INTS9: variants seen among roughly 807,000 people sequenced by gnomAD.
INTS9 encodes the protein integrator complex subunit 9, also known as protein related to CPSF subunits of 74 kDa.
Under a neutral mutation model 79.7 loss-of-function variants are expected in INTS9, and 55 were observed. The observed-to-expected ratio is 0.69, with a 90% CI of 0.56 to 0.86. The LOEUF is 0.86. Ranked by LOEUF, INTS9 falls within the 40% of genes least tolerant of loss-of-function variation. The pLI is 0.00. For synonymous variants in INTS9, 319 were observed against 325.2 expected, an observed-to-expected ratio of 0.98 and a Z score of 0.20; for missense variants, 721 against 831.5, an observed-to-expected ratio of 0.87 and a Z score of 1.64.
intron 1 of INTS9, among the ~76,000 whole-genome samples, chr8:28,875,550 A>T (rs1809335976): frequency 6.6e-6 from 1 of 152,104 alleles, no homozygotes; most frequent in African/African-American, 2.4e-5. Context: ...TTTGTTACAT[A>T]GGTAAATGTG....
At chr8:28,853,284 G>T (rs1807949804) in intron 2 of INTS9, among the ~76,000 whole-genome samples, 1 of 152,056 alleles carries the variant, frequency 6.6e-6, no homozygotes, top group South Asian at 2.1e-4. Context: ...ATGGTGGTGT[G>T]TGCCTATAAT....
intron 6 of INTS9, among the ~76,000 whole-genome samples, chr8:28,822,820 T>G (rs1231537481): frequency 6.6e-6 from 1 of 152,138 alleles, no homozygotes; most frequent in Admixed American, 6.5e-5. Context: ...TGAGGGTTAT[T>G]TCTACCAAAT....
intron 1 of INTS9, among the ~76,000 whole-genome samples, chr8:28,870,317 C>T (rs981049546): frequency 5.3e-4 from 48 of 90,868 alleles, no homozygotes; most frequent in African/African-American, 1.8e-3. Context: ...TAAACATTAA[C>T]CATTTTTTTT....
chr8:28,771,302 G>A (rs2130844120), intron 14 of INTS9: 1 of 555,266 alleles, frequency 1.8e-6, no homozygotes, highest in East Asian at 3.4e-5. Context: ...CCCCTCTCCA[G>A]GTGACCAGTG....
At chr8:28,788,691 T>C (rs241185) in intron 10 of INTS9, among the ~76,000 whole-genome samples, 60,894 of 152,120 alleles carry the variant, frequency 0.4, 13,471 homozygotes, top group Non-Finnish European at 0.5. Flanking sequence ...AGTGCTGAGA[T>C]TACAGGCGTG....
At chr8:28,836,497 T>C (rs1439588022) in intron 5 of INTS9, among the ~76,000 whole-genome samples, 1 of 152,248 alleles carries the variant, frequency 6.6e-6, no homozygotes, top group African/African-American at 2.4e-5. Context: ...ATTAATGTAT[T>C]AGCATTTGAA....
At chr8:28,779,113 TGTCAAATGTCGA>T (rs1159873379) in intron 12 of INTS9, among the ~76,000 whole-genome samples, 1 of 152,182 alleles carries the variant, frequency 6.6e-6, no homozygotes, top group African/African-American at 2.4e-5. Flanking sequence ...ACCACTGTCA[TGTCAAATGTCGA>T]GTCACCACTC....
At chr8:28,835,483 A>T in intron 5 of INTS9, 105 bp from the exon 6 acceptor site, 1 of 677,704 alleles carries the variant, frequency 1.5e-6, no homozygotes, top group Non-Finnish European at 2.6e-6. Context: ...CTCCCCCTAC[A>T]CCATTTCATC....
At chr8:28,884,741 A>G (rs904431688) in intron 1 of INTS9, among the ~76,000 whole-genome samples, 3 of 152,188 alleles carry the variant, frequency 2.0e-5, no homozygotes, top group Non-Finnish European at 4.4e-5. Context: ...ACAGGAGGGC[A>G]CTCTTATTAA....
At chr8:28,775,636 G>A in intron 14 of INTS9, 123 bp downstream of exon 14, 1 of 1,048,892 alleles carries the variant, frequency 9.5e-7, no homozygotes, top group Non-Finnish European at 1.4e-6. Flanking sequence ...ATAGGCGTGA[G>A]CTACTGCGCG....
intron 13 of INTS9, 45 bp from the exon 14 acceptor site, chr8:28,775,971 G>A: frequency 2.1e-6 from 3 of 1,453,228 alleles, no homozygotes; most frequent in Non-Finnish European, 2.7e-6. Flanking sequence ...GTGAAGTACA[G>A]TGGCCCCTGT....
intron 2 of INTS9, among the ~76,000 whole-genome samples, chr8:28,856,827 G>A (rs1449611975): frequency 1.3e-5 from 2 of 152,288 alleles, no homozygotes; most frequent in East Asian, 1.9e-4. Flanking sequence ...CCCAGGTAGT[G>A]AGCATAGTAG....
At chr8:28,814,284 TCACACACACACACACACACACACACACA>T (rs60850682) in intron 6 of INTS9, among the ~76,000 whole-genome samples, 5 of 134,340 alleles carry the variant, frequency 3.7e-5, no homozygotes, top group African/African-American at 1.1e-4. Context: ...ACAGGGCTTC[TCACACACACACACACACACACACACACA>T]CACACACACA....
Position 28,768,224 on chromosome 8 carries a change from G to C in INTS9, c.1899C>G (p.Thr633=). The stretch of plus-strand genomic sequence containing the variant: ...TCTCGTCATTGTCGCAGATGATATG[G>C]GTCGAGTCTTCTTCAATCTGGATGA... ...ETLIQIEEDS[T]HIICDNDEML... is the part of the protein sequence containing the mutation. Residue 633 remains threonine (T), a synonymous_variant, in exon 17 of 17, where the codon ACC becomes ACG. Transcript: ENST00000521022. 1 of 1,614,156 alleles carries C rather than the reference G, an allele frequency of 6.2e-7. No homozygotes were observed. The highest frequency in any genetic ancestry group is 8.5e-7 in the Non-Finnish European group (1 of 1,180,028).
intron 8 of INTS9, among the ~76,000 whole-genome samples, chr8:28,809,644 A>T (rs1325110628): frequency 6.6e-6 from 1 of 152,224 alleles, no homozygotes; most frequent in African/African-American, 2.4e-5. Flanking sequence ...CTTTGAACTA[A>T]GCAGGACAAA....
chr8:28,880,852 A>G (rs1809708209), intron 1 of INTS9, among the ~76,000 whole-genome samples: 1 of 145,994 alleles, frequency 6.8e-6, no homozygotes, highest in Non-Finnish European at 1.5e-5. Flanking sequence ...GGAAGTGAGG[A>G]GCGTCTCTGC....
At chr8:28,868,136 T>C (rs923676671) in intron 1 of INTS9, among the ~76,000 whole-genome samples, 1 of 152,218 alleles carries the variant, frequency 6.6e-6, no homozygotes, top group Non-Finnish European at 1.5e-5. Context: ...AAAGACCTTA[T>C]TTTGAATTGG....
chr8:28,872,432 TCTC>T (rs1809146045), intron 1 of INTS9, among the ~76,000 whole-genome samples: 1 of 152,120 alleles, frequency 6.6e-6, no homozygotes, highest in South Asian at 2.1e-4. Flanking sequence ...ATATGTCTCT[TCTC>T]CTTTTTAAAT....
intron 6 of INTS9, among the ~76,000 whole-genome samples, chr8:28,814,282 T>TCACA (rs1491258772): frequency 6.1e-4 from 54 of 88,152 alleles, no homozygotes; most frequent in African/African-American, 2.1e-3. Context: ...GAACAGGGCT[T>TCACA]CTCACACACA....
Sources: gnomAD v4.1 joint callset for allele counts (sites outside exome capture counted in the v4.1 genomes callset) on GRCh38, gnomAD v4.1.1 for gene constraint, MANE v1.5 for transcripts, NCBI Gene and HGNC (gene_info 2026-07-23, HGNC 2026-07-21) for gene names.